The following ARMH3 variants were observed in gnomAD, a reference collection of about 807,000 sequenced individuals.
ARMH3 encodes armadillo-like helical domain-containing protein 3.
A neutral mutation model predicts 99.1 loss-of-function variants in ARMH3; 60 were observed. That is an observed-to-expected ratio of 0.61 (90% CI 0.49 to 0.75). ARMH3 has a LOEUF of 0.75. Among genes scored for constraint, ARMH3 ranks in the 30% least tolerant of loss-of-function variants. ARMH3 has a pLI of 0.00. For synonymous variants in ARMH3, 285 were observed against 292.8 expected (o/e 0.97, Z 0.27); for missense variants, 679 against 843.1 (o/e 0.81, Z 2.41).
At chr10:101,881,702 C>T (rs550332239) in intron 24 of ARMH3, among the ~76,000 whole-genome samples, 23 of 152,140 alleles carry the variant, frequency 1.5e-4, no homozygotes, top group African/African-American at 5.3e-4. Context: ...AGAGTCAGTG[C>T]GATAGGGATT....
At chr10:102,031,912 G>A (rs1486409666) in intron 4 of ARMH3, among the ~76,000 whole-genome samples, 7 of 151,992 alleles carry the variant, frequency 4.6e-5, no homozygotes. Context: ...CTAATTTTTT[G>A]TATTTTTAGT....
At chr10:101,977,623 T>C (rs1846067527) in intron 19 of ARMH3, among the ~76,000 whole-genome samples, 1 of 152,230 alleles carries the variant, frequency 6.6e-6, no homozygotes. Context: ...AAATGTAATA[T>C]TATTAAAAGG....
chr10:101,943,429 T>C (rs1463494589), intron 22 of ARMH3, among the ~76,000 whole-genome samples: 1 of 143,582 alleles, frequency 7.0e-6, no homozygotes, highest in Non-Finnish European at 1.5e-5. Context: ...ACTGCATTTG[T>C]AATGGGACAA....
intron 20 of ARMH3, among the ~76,000 whole-genome samples, chr10:101,965,842 C>CTAGA (rs1845507209): frequency 6.6e-6 from 1 of 152,174 alleles, no homozygotes; most frequent in Non-Finnish European, 1.5e-5. Flanking sequence ...TGACTCTGTA[C>CTAGA]TAGAGGCAAC....
At chr10:101,942,688 C>T (rs532121846) in intron 22 of ARMH3, among the ~76,000 whole-genome samples, 1 of 151,990 alleles carries the variant, frequency 6.6e-6, no homozygotes, top group South Asian at 2.1e-4. Context: ...ATGGTGAAAC[C>T]CCATCTCTAC....
chr10:101,859,414 T>C (rs1298699886), intron 24 of ARMH3, among the ~76,000 whole-genome samples: 1 of 152,218 alleles, frequency 6.6e-6, no homozygotes, highest in African/African-American at 2.4e-5. Flanking sequence ...CTAGACTCCA[T>C]CAGGGCAATC....
At chr10:101,896,172 AGTGAGCTAAGGT>A (rs1345827859) in intron 23 of ARMH3, among the ~76,000 whole-genome samples, 3 of 152,216 alleles carry the variant, frequency 2.0e-5, no homozygotes, top group African/African-American at 7.2e-5. Flanking sequence ...CCGAGGCTGC[AGTGAGCTAAGGT>A]GGAGCCACTG....
chr10:102,034,863 A>G (rs772618828), intron 2 of ARMH3, among the ~76,000 whole-genome samples: 2 of 151,818 alleles, frequency 1.3e-5, no homozygotes, highest in South Asian at 2.1e-4. Context: ...AGCTGAGATC[A>G]TGCCATTGCA....
intron 19 of ARMH3, among the ~76,000 whole-genome samples, chr10:101,986,442 C>A (rs1436318337): frequency 1.3e-5 from 2 of 151,954 alleles, no homozygotes; most frequent in South Asian, 4.2e-4. Flanking sequence ...CCAGGCAAGA[C>A]CTTTCTTTTT....
chr10:101,956,742 C>T lies in ARMH3; in HGVS notation c.1579-19G>A, dbSNP rs368670935. The T allele has an allele frequency of 1.6e-4, 256 of 1,611,094 alleles. 3 individuals are homozygous for T. In the Middle Eastern group the frequency reaches 2.5e-3, roughly 16 times the overall value. ...TCACAATCTAAAAAAGAAGGAAAGG[C>T]CCATATATAGGCATCAGGCTATGAA... On this transcript the variant is annotated intron_variant, in intron 21 of 25. Coordinates refer to ENST00000370033, the MANE Select transcript of ARMH3 (RefSeq NM_024541.3).
chr10:102,045,144 AAAAAAG>A (rs1216749892), intron 1 of ARMH3, among the ~76,000 whole-genome samples: 10 of 151,982 alleles, frequency 6.6e-5, no homozygotes, highest in African/African-American at 2.4e-4. Context: ...AAAAAAAAAA[AAAAAAG>A]AGCGAAACAA....
chr10:102,042,655 T>C (rs2067450233), intron 1 of ARMH3, among the ~76,000 whole-genome samples: 1 of 152,208 alleles, frequency 6.6e-6, no homozygotes, highest in African/African-American at 2.4e-5. Context: ...CAACATAAAG[T>C]CTTCTCCTCC....
At chr10:102,026,600 G>A (rs548517252) in intron 5 of ARMH3, among the ~76,000 whole-genome samples, 4 of 152,174 alleles carry the variant, frequency 2.6e-5, no homozygotes, top group African/African-American at 9.7e-5. Context: ...CCTGGTGTGG[G>A]GTTGGAATAA....
chr10:102,018,350 T>C (rs2066796442), intron 8 of ARMH3, among the ~76,000 whole-genome samples: 1 of 152,190 alleles, frequency 6.6e-6, no homozygotes, highest in Non-Finnish European at 1.5e-5. Flanking sequence ...CCAGAACTCA[T>C]ATGAATAAGG....
intron 15 of ARMH3, among the ~76,000 whole-genome samples, chr10:102,001,344 C>G (rs1392753122): frequency 6.6e-6 from 1 of 151,974 alleles, no homozygotes; most frequent in African/African-American, 2.4e-5. Context: ...CCTTCCAACC[C>G]CTTCTCAATC....
At chr10:101,946,913 A>G (rs1335979314) in intron 22 of ARMH3, among the ~76,000 whole-genome samples, 1 of 152,068 alleles carries the variant, frequency 6.6e-6, no homozygotes, top group African/African-American at 2.4e-5. Flanking sequence ...TTAAGAAGCT[A>G]GAGAAGGACA....
rs563077128 is a variant in ARMH3 at position 101,930,408 on chromosome 10, A to T, written c.1781+9455T>A. On this transcript the variant is annotated intron_variant, in intron 23 of 25. Transcript: ENST00000370033. ...AGAAAACTTATTAGGTTGGTGCAAAAGTAATAGCAGTTTTGCCATTACTTT... is the reference window on the plus strand; with the variant it reads ...AGAAAACTTATTAGGTTGGTGCAAATGTAATAGCAGTTTTGCCATTACTTT... 3.9e-5 allele frequency among the ~76,000 whole-genome samples: 6 copies of T among 152,134 alleles called. No homozygotes were observed. In the South Asian group the frequency reaches 1.2e-3, roughly 32 times the overall value.
chr10:101,853,733 G>A (rs2066665117), intron 24 of ARMH3, among the ~76,000 whole-genome samples: 1 of 152,194 alleles, frequency 6.6e-6, no homozygotes. Flanking sequence ...GTCACCTACA[G>A]GTCACATGCT....
At position 101,944,295 on chromosome 10, in the gene ARMH3, G is replaced by T. The variant is rs1368741942; in HGVS notation, c.1706-4357C>A. 1.2e-3 allele frequency among the ~76,000 whole-genome samples: 141 copies of T among 112,892 alleles called. 1 individual carries two copies. The highest frequency in any genetic ancestry group is 9.6e-3 in the East Asian group (36 of 3,766). 74.1% of individuals were successfully genotyped at this position (112,892 alleles called of 152,430 possible). Reference sequence around the variant, plus strand: ...ATATAGAGAGAGAGAGAGAGAGAGAGAGAGAGAGAGAGAGAGAGAGAGAGA... The same window carrying T: ...ATATAGAGAGAGAGAGAGAGAGAGATAGAGAGAGAGAGAGAGAGAGAGAGA... On this transcript the variant is annotated intron_variant, in intron 22 of 25. Coordinates refer to ENST00000370033, the MANE Select transcript of ARMH3 (RefSeq NM_024541.3).
Sources: gnomAD v4.1 joint callset for allele counts (sites outside exome capture counted in the v4.1 genomes callset) on GRCh38, gnomAD v4.1.1 for gene constraint, MANE v1.5 for transcripts, NCBI Gene and HGNC (gene_info 2026-07-23, HGNC 2026-07-21) for gene names.